Variants in GBP4 observed in about 807,000 individuals in gnomAD.
GBP4 encodes guanylate binding protein 4, also known as guanylate-binding protein 4.
GBP4 carries 69 observed loss-of-function variants against 62.2 expected under a neutral mutation model. The ratio of observed to expected loss-of-function variants is 1.11; its 90% CI spans 0.91 to 1.36. The LOEUF is 1.36. GBP4 is among the 40% of genes most tolerant of loss of function. GBP4 has a pLI of 0.00. For missense variants in GBP4, 697 were observed against 759.3 expected (o/e 0.92, Z 0.96); for synonymous variants, 278 against 274.6 (o/e 1.01, Z -0.12).
Position 89,184,230 on chromosome 1 carries a change from C to T in GBP4, c.*1024G>A, listed in dbSNP as rs1306477239. 1 of 152,176 alleles carries T rather than the reference C, an allele frequency of 6.6e-6. No homozygotes were observed. The highest frequency in any genetic ancestry group is 1.5e-5 in the Non-Finnish European group (1 of 68,034). The allele number at this position is 152,176 out of a possible 1,614,324, so 9.4% of individuals were successfully genotyped here. On this transcript the variant is annotated 3_prime_UTR_variant, in exon 11 of 11. Coordinates refer to ENST00000355754, the MANE Select transcript of GBP4 (RefSeq NM_052941.5). ...GCAAGGTTGTGGAGAAAATGGAACA[C>T]ATACACTGTTGGTGGGAGTGTAAAT...
rs1048979020 is a variant in GBP4, at chr1:89,186,674, A to G, written c.1514-148T>C. The G allele has an allele frequency of 1.5e-5, 12 of 786,412 alleles. No homozygotes were observed. In the Admixed American group the frequency reaches 3.5e-4, roughly 23 times the overall value. The allele number at this position is 786,412 out of a possible 1,614,324, so 48.7% of individuals were successfully genotyped here. On this transcript the variant is annotated intron_variant, in intron 9 of 10. Coordinates refer to ENST00000355754, the MANE Select transcript of GBP4 (RefSeq NM_052941.5). ...TTATCTCACTAGCCATGTCTGGAAG[A>G]GAATGTTGAATAATGTGATGCGAAG...
intron 2 of GBP4, 102 bp downstream of exon 2, chr1:89,197,008 G>C: frequency 1.1e-6 from 1 of 872,604 alleles, no homozygotes; most frequent in East Asian, 2.6e-5. Flanking sequence ...TTCTTCATTG[G>C]GAGAAGTCAT....
intron 5 of GBP4, among the ~76,000 whole-genome samples, chr1:89,192,581 G>A (rs1378429172): frequency 6.6e-6 from 1 of 152,192 alleles, no homozygotes; most frequent in Non-Finnish European, 1.5e-5. Context: ...AAGCTAATAA[G>A]TAACACAAAT....
chr1:89,197,131 G>A lies in GBP4; in HGVS notation c.214C>T (p.Arg72Cys), dbSNP rs771201733. 1.2e-6 allele frequency: 2 copies of A among 1,613,182 alleles called. No homozygotes were observed. The highest frequency in any genetic ancestry group is 1.7e-6 in the Non-Finnish European group (2 of 1,179,458). ...YRTGKSYLMNRLAGKRNGFPL... is the reference protein window; with the variant it reads ...YRTGKSYLMNCLAGKRNGFPL... ...TCACCATTGCGCTTTCCTGCAAGAC[G>A]ATTCATGAGATAGGATTTTCCTGTG... Residue 72 changes from arginine (R) to cysteine (C), a missense_variant, in exon 2 of 11, where the codon CGT becomes TGT. Around this residue, in one of 2 missense-constraint regions of GBP4, gnomAD observed 556 missense variants for 562.7 expected, o/e 0.99. Transcript: ENST00000355754.
chr1:89,188,569 C>T lies in GBP4; in HGVS notation c.1410+13G>A, dbSNP rs1219654850. On this transcript the variant is annotated intron_variant, in intron 8 of 10. Transcript: ENST00000355754. ...ATCCTCTGTTATCCATCCCCCATTC[C>T]CCTTTTCCTCACCTTAACTCCTTTT... The T allele has an allele frequency of 6.2e-7, 1 of 1,605,080 alleles. No homozygotes were observed.
At position 89,183,157 on chromosome 1, in the gene GBP4, A is replaced by C. The variant is rs1647933077; in HGVS notation, c.*2097T>G. ...GTTACCAAACCTCAAACCATACTAC[A>C]GAGCTACAGTAACCAAAACAGCATG... On this transcript the variant is annotated 3_prime_UTR_variant, in exon 11 of 11. Transcript: ENST00000355754. The C allele has an allele frequency of 6.6e-6, 1 of 152,260 alleles. No homozygotes were observed. The highest frequency in any genetic ancestry group is 2.4e-5 in the African/African-American group (1 of 41,468). 9.4% of individuals were successfully genotyped at this position (152,260 alleles called of 1,614,324 possible). A position where few individuals can be genotyped will look rare whatever the true frequency, so the allele number is the denominator to read the frequency against.
intron 1 of GBP4, chr1:89,198,570 C>T (rs1053335396): frequency 7.2e-6 from 4 of 559,006 alleles, no homozygotes; most frequent in Non-Finnish European, 1.3e-5. Flanking sequence ...ACCGGTGCGC[C>T]TCTGGTCGCC....
chr1:89,192,840 T>A (rs1463724278), intron 5 of GBP4, 64 bp downstream of exon 5: 2 of 1,466,276 alleles, frequency 1.4e-6, no homozygotes, highest in Non-Finnish European at 1.9e-6. Context: ...AGGTGCTGAA[T>A]AGCAGGTCTT....
At position 89,192,888 on chromosome 1, in the gene GBP4, G is replaced by A; in HGVS notation, c.670+16C>T. 1 of 1,611,402 alleles carries A rather than the reference G, an allele frequency of 6.2e-7. No individual in the cohort carries two copies. The highest frequency in any genetic ancestry group is 2.2e-5 in the East Asian group (1 of 44,874). ...CCCCCACTGAACCTTCCCACATCCAGGCCATGCTCTGATACCTGGAATCAG... is the reference window on the plus strand; with the variant it reads ...CCCCCACTGAACCTTCCCACATCCAAGCCATGCTCTGATACCTGGAATCAG... On this transcript the variant is annotated intron_variant, in intron 5 of 10. Coordinates refer to ENST00000355754, the MANE Select transcript of GBP4 (RefSeq NM_052941.5).
intron 4 of GBP4, 51 bp from the exon 5 acceptor site, chr1:89,193,151 C>T: frequency 1.9e-6 from 3 of 1,584,864 alleles, no homozygotes; most frequent in Non-Finnish European, 1.7e-6. Context: ...ATTTCCATAT[C>T]TCACTTAGAA....
chr1:89,197,300 ATAACCTG>A lies in GBP4; in HGVS notation c.41-3_44del. 5 of 1,613,448 alleles carry A rather than the reference ATAACCTG, an allele frequency of 3.1e-6. No homozygotes were observed. The highest frequency in any genetic ancestry group is 4.2e-6 in the Non-Finnish European group (5 of 1,179,540). ...CCATCATGATGGATTCAGATTCTGG[ATAACCTG>A]TAACCCAGAAAAAAATACTCAGTAG... On this transcript the variant is annotated splice_acceptor_variant and splice_polypyrimidine_tract_variant and coding_sequence_variant and intron_variant, in exon 2 of 11. Transcript: ENST00000355754. LOFTEE classifies it high-confidence loss of function.
rs1032524533 is a variant in GBP4 at position 89,181,196 on chromosome 1, C to A, written c.*4058G>T. 2.6e-5 allele frequency: 4 copies of A among 152,108 alleles called. No individual in the cohort carries two copies. The South Asian group carries it at 8.3e-4, about 32-fold the overall frequency. The allele number at this position is 152,108 out of a possible 1,614,324, so 9.4% of individuals were successfully genotyped here. On this transcript the variant is annotated 3_prime_UTR_variant, in exon 11 of 11. Coordinates refer to ENST00000355754, the MANE Select transcript of GBP4 (RefSeq NM_052941.5). The stretch of plus-strand genomic sequence containing the variant: ...CACCTGGGTGCAGGCTGGCTGAGTC[C>A]GAAAAGACAGTCAGTGAAGGGAGAT...
Position 89,197,170 on chromosome 1 carries a change from CA to C in GBP4, c.174del (p.Ile58MetfsTer2), listed in dbSNP as rs1267455606. 1.9e-5 allele frequency: 30 copies of C among 1,614,028 alleles called. No homozygotes were observed. Among genetic ancestry groups the C allele is most frequent in the Non-Finnish European group, 2.3e-5 (27 of 1,180,008 alleles). ...GATTTTCCTGTGCGGTATAGCCCTA[CA>C]ATGGCCACCACCACCACGGGCTGAG... ...KISQPVVVVA[I>X]VGLYRTGKSY... On this transcript the variant is annotated frameshift_variant, in exon 2 of 11. Coordinates refer to ENST00000355754, the MANE Select transcript of GBP4 (RefSeq NM_052941.5). LOFTEE classifies it high-confidence loss of function.
rs1648142152 is a variant in GBP4 at position 89,190,163 on chromosome 1, T to C, written c.1072A>G (p.Arg358Gly). The change falls in exon 7 of 11, where the codon AGG becomes GGG. Residue 358 changes from arginine (R) to glycine (G), a missense_variant. Arg to Gly is a moderately radical substitution (Grantham distance 125). Around this residue, in one of 2 missense-constraint regions of GBP4, gnomAD observed 556 missense variants for 562.7 expected, o/e 0.99. Transcript: ENST00000355754. ...HYSQQMAQQLRLPTDTLQELL... is the reference protein window; with the variant it reads ...HYSQQMAQQLGLPTDTLQELL... Reference sequence around the variant, plus strand: ...TCCTGGAGCGTGTCTGTGGGGAGCCTCAGTTGCTGGGCCATCTGCTGGCTA... The same window carrying C: ...TCCTGGAGCGTGTCTGTGGGGAGCCCCAGTTGCTGGGCCATCTGCTGGCTA... 6.2e-7 allele frequency: 1 copy of C among 1,614,028 alleles called. No homozygotes were observed. The highest frequency in any genetic ancestry group is 8.5e-7 in the Non-Finnish European group (1 of 1,180,028).
At chr1:89,193,740 T>A (rs946259563) in intron 3 of GBP4, among the ~76,000 whole-genome samples, 4 of 152,156 alleles carry the variant, frequency 2.6e-5, no homozygotes, top group African/African-American at 9.7e-5. Flanking sequence ...AGGCCACAAA[T>A]GCTATTCAGT....
In GBP4 at chr1:89,191,416, G is replaced by T; in HGVS notation, c.761C>A (p.Pro254His). 6.2e-7 allele frequency: 1 copy of T among 1,614,188 alleles called. No homozygotes were observed. The highest frequency in any genetic ancestry group is 1.1e-5 in the South Asian group (1 of 91,082). The change falls in exon 6 of 11, where the codon CCT (proline) becomes CAT (histidine). Residue 254 changes from proline (P) to histidine (H), a missense_variant. This residue lies in a region of GBP4 where 556 missense variants were observed against 562.7 expected (regional missense o/e 0.99). Coordinates refer to ENST00000355754, the MANE Select transcript of GBP4 (RefSeq NM_052941.5). ...RKRKCFVFDR[P>H]TNDKQYLNHM... ...ATTTAAATATTGCTTGTCATTTGTA[G>T]GCCGGTCAAAGACAAAGCACTTCCG...
chr1:89,185,598 G>A, intron 10 of GBP4, 129 bp from the exon 11 acceptor site: 1 of 607,392 alleles, frequency 1.6e-6, no homozygotes, highest in Non-Finnish European at 2.9e-6. Flanking sequence ...ACGCTTTGAT[G>A]AATTTGTGTA....
intron 8 of GBP4, among the ~76,000 whole-genome samples, chr1:89,188,305 C>T (rs747708790): frequency 6.6e-6 from 1 of 152,078 alleles, no homozygotes; most frequent in African/African-American, 2.4e-5. Context: ...ATAAGGTATC[C>T]TCTGCACTTA....
At chr1:89,192,863 C>A (rs1648224983) in intron 5 of GBP4, 41 bp downstream of exon 5, 2 of 1,584,886 alleles carry the variant, frequency 1.3e-6, no homozygotes, top group East Asian at 2.2e-5. Context: ...TTGATCCTAC[C>A]CCCCACTGAA....
Sources: allele counts gnomAD v4.1 joint callset (sites outside exome capture counted in the v4.1 genomes callset), GRCh38; gene constraint gnomAD v4.1.1; regional missense constraint gnomAD v4.1.1; transcripts MANE v1.5; gene names NCBI Gene and HGNC (gene_info 2026-07-23, HGNC 2026-07-21).